Variants in PCDH15 observed in about 807,000 individuals in gnomAD.
PCDH15 encodes the protein protocadherin-15.
A neutral mutation model predicts 178.5 loss-of-function variants in PCDH15; 129 were observed. That is an observed-to-expected ratio of 0.72 (90% CI 0.63 to 0.84). The LOEUF is 0.84. Ranked by LOEUF, PCDH15 falls within the 40% of genes least tolerant of loss-of-function variation. The pLI is 0.00. For synonymous variants in PCDH15, 800 were observed against 732.0 expected, an observed-to-expected ratio of 1.09 and a Z score of -1.50; for missense variants, 2,230 against 2,099.9, an observed-to-expected ratio of 1.06 and a Z score of -1.21.
chr10:54,503,853 G>A (rs1001971391), intron 3 of PCDH15, among the ~76,000 whole-genome samples: 1 of 152,004 alleles, frequency 6.6e-6, no homozygotes, highest in African/African-American at 2.4e-5. Flanking sequence ...CTGTAATAAA[G>A]GCAGTCCAAA....
chr10:54,738,960 T>C (rs1391505307), intron 1 of PCDH15, among the ~76,000 whole-genome samples: 1 of 152,010 alleles, frequency 6.6e-6, no homozygotes, highest in Non-Finnish European at 1.5e-5. Flanking sequence ...AACATAATAC[T>C]GAATGGGAAA....
At chr10:54,937,550 C>A (rs1837939020) in intron 2 of PCDH15, among the ~76,000 whole-genome samples, 1 of 151,416 alleles carries the variant, frequency 6.6e-6, no homozygotes, top group Admixed American at 6.6e-5. Flanking sequence ...TAAATTTATT[C>A]TTTAGTATTT....
At chr10:54,991,223 T>C (rs74136315) in intron 2 of PCDH15, among the ~76,000 whole-genome samples, 2 of 152,148 alleles carry the variant, frequency 1.3e-5, no homozygotes, top group Non-Finnish European at 2.9e-5. Context: ...GTTTCTTGCA[T>C]AAAAAGCATT....
At chr10:54,061,536 A>T (rs966240978) in intron 18 of PCDH15, among the ~76,000 whole-genome samples, 19 of 150,542 alleles carry the variant, frequency 1.3e-4, no homozygotes, top group African/African-American at 3.4e-4. Flanking sequence ...TTTTTTTTTT[A>T]AATTTCCAAC....
chr10:54,146,766 T>C (rs956306035), intron 14 of PCDH15, among the ~76,000 whole-genome samples: 9 of 150,768 alleles, frequency 6.0e-5, no homozygotes, highest in African/African-American at 1.9e-4. Context: ...AAAATAATAA[T>C]ATAGAAAACT....
intron 1 of PCDH15, among the ~76,000 whole-genome samples, chr10:55,229,960 G>A (rs919796565): frequency 1.3e-5 from 2 of 151,954 alleles, no homozygotes; most frequent in East Asian, 3.9e-4. Flanking sequence ...ACTCTGCTGT[G>A]TCTGTTGAAC....
At chr10:55,072,011 G>A (rs200251560) in intron 2 of PCDH15, among the ~76,000 whole-genome samples, 18 of 152,138 alleles carry the variant, frequency 1.2e-4, no homozygotes, top group African/African-American at 3.4e-4. Context: ...GGTACCTAAC[G>A]AAATGAAGGC....
intron 21 of PCDH15, among the ~76,000 whole-genome samples, chr10:53,979,662 G>A (rs537232982): frequency 6.6e-6 from 1 of 152,308 alleles, no homozygotes; most frequent in Non-Finnish European, 1.5e-5. Context: ...CAATTGGACA[G>A]GTTGGAGAGA....
chr10:54,425,575 T>C (rs546304580), intron 3 of PCDH15, among the ~76,000 whole-genome samples: 1 of 152,336 alleles, frequency 6.6e-6, no homozygotes, highest in East Asian at 1.9e-4. Flanking sequence ...CTGAACTTTG[T>C]AAACTAGAAT....
At chr10:55,372,635 T>G (rs1845534636) in intron 2 of PCDH15, among the ~76,000 whole-genome samples, 1 of 152,102 alleles carries the variant, frequency 6.6e-6, no homozygotes, top group African/African-American at 2.4e-5. Context: ...AAATCCCTCA[T>G]GATGAGGCAA....
At chr10:54,919,986 T>C (rs771082988) in intron 2 of PCDH15, among the ~76,000 whole-genome samples, 1 of 152,178 alleles carries the variant, frequency 6.6e-6, no homozygotes, top group Non-Finnish European at 1.5e-5. Context: ...AGTGGAACTG[T>C]AGCCCTCATT....
intron 2 of PCDH15, among the ~76,000 whole-genome samples, chr10:54,530,318 G>A (rs1002683501): frequency 6.6e-6 from 1 of 151,686 alleles, no homozygotes; most frequent in Non-Finnish European, 1.5e-5. Flanking sequence ...ATCTGCCTAC[G>A]CATCACCTCT....
intron 25 of PCDH15, among the ~76,000 whole-genome samples, chr10:53,925,214 A>C (rs1164564824): frequency 1.3e-5 from 2 of 151,956 alleles, no homozygotes; most frequent in Admixed American, 1.3e-4. Context: ...TGTAACACTC[A>C]CCGCGAAGGT....
chr10:53,873,490 G>A (rs910477341), intron 26 of PCDH15, among the ~76,000 whole-genome samples: 1 of 152,148 alleles, frequency 6.6e-6, no homozygotes, highest in Non-Finnish European at 1.5e-5. Context: ...GCCAAGAAAT[G>A]GAGGCACAGA....
intron 2 of PCDH15, among the ~76,000 whole-genome samples, chr10:55,116,757 A>G (rs899430785): frequency 6.6e-5 from 10 of 152,204 alleles, no homozygotes; most frequent in African/African-American, 2.2e-4. Flanking sequence ...AGAAGCAGGA[A>G]GGTCATTCTC....
At chr10:54,087,499 G>A (rs1395535655) in intron 16 of PCDH15, among the ~76,000 whole-genome samples, 1 of 151,990 alleles carries the variant, frequency 6.6e-6, no homozygotes, top group East Asian at 1.9e-4. Context: ...TTTTATTGAT[G>A]AGTAATATTA....
intron 5 of PCDH15, 91 bp from the exon 6 acceptor site, chr10:54,346,575 T>A: frequency 6.9e-7 from 1 of 1,459,488 alleles, no homozygotes; most frequent in Non-Finnish European, 9.5e-7. Context: ...CTTTATTACC[T>A]AAAGGAAGAT....
intron 15 of PCDH15, among the ~76,000 whole-genome samples, chr10:54,102,332 T>C (rs2094828218): frequency 6.6e-6 from 1 of 152,216 alleles, no homozygotes; most frequent in South Asian, 2.1e-4. Context: ...CGGTGGGCCT[T>C]ATGGACAGGA....
chr10:54,340,649 C>T (rs142562895), intron 6 of PCDH15, among the ~76,000 whole-genome samples: 2 of 152,204 alleles, frequency 1.3e-5, no homozygotes, highest in South Asian at 2.1e-4. Flanking sequence ...TGAAAGCAAG[C>T]AAAATACTCT....
Sources: allele counts gnomAD v4.1 joint callset (sites outside exome capture counted in the v4.1 genomes callset), GRCh38; gene constraint gnomAD v4.1.1; transcripts MANE v1.5; gene names NCBI Gene and HGNC (gene_info 2026-07-23, HGNC 2026-07-21).